STK11: variants seen among roughly 807,000 people sequenced by gnomAD.
STK11 encodes serine/threonine kinase 11.
A neutral mutation model predicts 47.3 loss-of-function variants in STK11; 8 were observed. The observed-to-expected ratio is 0.17, with a 90% CI of 0.10 to 0.31. STK11 has a LOEUF of 0.31. STK11 is among the 10% of genes least tolerant of loss of function. The pLI, the probability that STK11 is intolerant of heterozygous loss-of-function variation, is 1.00. For synonymous variants in STK11, 330 were observed against 255.8 expected, an observed-to-expected ratio of 1.29 and a Z score of -2.77; for missense variants, 475 against 605.0, an observed-to-expected ratio of 0.79 and a Z score of 2.25.
chr19:1,220,810 G>A (rs1241421924), intron 5 of STK11, 93 bp downstream of exon 5: 1 of 1,512,060 alleles, frequency 6.6e-7, no homozygotes, highest in East Asian at 2.3e-5. Context: ...CGCAGGGCGT[G>A]GCCACCGGCC....
chr19:1,216,747 A>C (rs2080747252), intron 1 of STK11, among the ~76,000 whole-genome samples: 1 of 151,562 alleles, frequency 6.6e-6, no homozygotes, highest in Admixed American at 6.6e-5. Context: ...ACACGTCTGT[A>C]GTCCCAGCTA....
rs2080787350 is a variant in STK11 at position 1,221,950 on chromosome 19, G to A, written c.864G>A (p.Gly288=). 1.9e-6 allele frequency: 3 copies of A among 1,557,770 alleles called. No homozygotes were observed. Among genetic ancestry groups the A allele is most frequent in the South Asian group, 2.4e-5 (2 of 84,496 alleles). The change falls in exon 7 of 10, where the codon GGG becomes GGA. Residue 288 remains glycine, a splice_region_variant and synonymous_variant. Coordinates refer to ENST00000326873, the MANE Select transcript of STK11 (RefSeq NM_000455.5). ...CGPPLSDLLK[G]MLEYEPAKRF... is the part of the protein sequence containing the mutation. ...GGCTCCTCGCCGGCTTCTCCTCAGG[G>A]ATGCTTGAGTACGAACCGGCCAAGA...
intron 1 of STK11, among the ~76,000 whole-genome samples, chr19:1,215,584 A>G (rs1468739376): frequency 6.6e-6 from 1 of 152,218 alleles, no homozygotes; most frequent in Non-Finnish European, 1.5e-5. Flanking sequence ...GCCCTGGCAG[A>G]GCTCAGGCCT....
intron 1 of STK11, among the ~76,000 whole-genome samples, chr19:1,209,552 A>G (rs981927644): frequency 3.3e-5 from 5 of 152,126 alleles, no homozygotes; most frequent in African/African-American, 1.2e-4. Context: ...ATTGCGCTCC[A>G]GCCTGGGCGA....
rs1472814508 is a variant in STK11, at chr19:1,226,608, C to T, written c.1263C>T (p.Ser421=). The change falls in exon 9 of 10, where the codon AGC becomes AGT. Residue 421 remains serine, a synonymous_variant. Coordinates refer to ENST00000326873, the MANE Select transcript of STK11 (RefSeq NM_000455.5). ...CTGCCCGCAAGGCCTGCTCCGCCAG[C>T]AGCAAGATCCGCCGGCTGTCGGCCT... ...PNPARKACSA[S]SKIRRLSACK... is the part of the protein sequence containing the mutation. 9.6e-6 allele frequency: 15 copies of T among 1,558,972 alleles called. No homozygotes were observed. The highest frequency in any genetic ancestry group is 1.3e-5 in the Non-Finnish European group (15 of 1,153,522).
Position 1,223,485 on chromosome 19 carries a change from G to T in STK11, c.1108+313G>T, listed in dbSNP as rs549541848. Among the ~76,000 whole-genome samples the T allele has an allele frequency of 9.4e-4, 143 of 152,344 alleles. 2 individuals are homozygous for T. Among genetic ancestry groups the T allele is most frequent in the African/African-American group, 3.3e-3 (139 of 41,584 alleles). On this transcript the variant is annotated intron_variant, in intron 8 of 9. Transcript: ENST00000326873. ...GGCCTGAGTCCCAGCAGGAGCAGGC[G>T]GGGGAGCCCCAGGGTCGGGGGAGGG...
Position 1,210,905 on chromosome 19 carries a change from G to A in STK11, c.290+3702G>A, listed in dbSNP as rs530153143. Among the ~76,000 whole-genome samples, 95 of 152,196 alleles carry A rather than the reference G, an allele frequency of 6.2e-4. 1 individual carries two copies. Among genetic ancestry groups the A allele is most frequent in the African/African-American group, 2.3e-3 (95 of 41,536 alleles). On this transcript the variant is annotated intron_variant, in intron 1 of 9. Transcript: ENST00000326873. ...GGGCCGGGCGTGGTGGCTCACGCCT[G>A]TAATCCCAGCACTTTGGGAGGCCGA...
chr19:1,207,190 G>A lies in STK11; in HGVS notation c.277G>A (p.Ala93Thr), dbSNP rs1288388685. Residue 93 changes from alanine (A) to threonine (T), a missense_variant, in exon 1 of 10, where the codon GCC (alanine) becomes ACC (threonine). This residue lies in a region of STK11 where 47 missense variants were observed against 103.7 expected (regional missense o/e 0.45). Coordinates refer to ENST00000326873, the MANE Select transcript of STK11 (RefSeq NM_000455.5). The part of the protein sequence containing the change: ...KKLRRIPNGE[A>T]NVKKEIQLLR... ...GTTGCGAAGGATCCCCAACGGGGAG[G>A]CCAACGTGAAGAAGTAAGTATGGCT... is the stretch of plus-strand genomic sequence containing the variant. The A allele has an allele frequency of 1.9e-6, 3 of 1,605,102 alleles. No individual in the cohort carries two copies.
intron 1 of STK11, among the ~76,000 whole-genome samples, chr19:1,208,640 G>A (rs1353593602): frequency 1.2e-5 from 1 of 80,076 alleles, no homozygotes; most frequent in Non-Finnish European, 2.2e-5. Context: ...TTTTTGAGAC[G>A]GAGTTTCACT....
intron 6 of STK11, chr19:1,221,681 C>T (rs982908271): frequency 2.4e-5 from 14 of 587,812 alleles, no homozygotes; most frequent in African/African-American, 9.3e-5. Flanking sequence ...ACTGGCCGTC[C>T]GTCCATCTGC....
At chr19:1,226,688 G>A in intron 9 of STK11, 25 bp downstream of exon 9, 1 of 1,467,520 alleles carries the variant, frequency 6.8e-7, no homozygotes, top group Non-Finnish European at 9.0e-7. Flanking sequence ...GGCCCGGGTG[G>A]GGCATGTGGG....
intron 1 of STK11, among the ~76,000 whole-genome samples, chr19:1,214,486 G>A (rs554943292): frequency 1.3e-4 from 20 of 152,326 alleles, no homozygotes; most frequent in Middle Eastern, 3.4e-3. Context: ...CTTCGGTGAG[G>A]GCGAGTCCTC....
intron 8 of STK11, chr19:1,224,462 C>T: frequency 2.0e-6 from 2 of 985,400 alleles, no homozygotes; most frequent in Non-Finnish European, 2.4e-6. Context: ...GGGTCTTCTG[C>T]CTTTCAGAGC....
At chr19:1,223,733 G>A (rs1463722040) in intron 8 of STK11, 1 of 1,041,686 alleles carries the variant, frequency 9.6e-7, no homozygotes, top group African/African-American at 1.7e-5. Flanking sequence ...CTCTCGGCCG[G>A]CGCCGCAGTA....
intron 1 of STK11, among the ~76,000 whole-genome samples, chr19:1,211,428 T>C (rs2080709520): frequency 6.6e-6 from 1 of 151,158 alleles, no homozygotes; most frequent in African/African-American, 2.4e-5. Context: ...ACAGCACGGC[T>C]AGCTGCTGCT....
At chr19:1,224,268 G>T in intron 8 of STK11, 1 of 985,336 alleles carries the variant, frequency 1.0e-6, no homozygotes, top group Non-Finnish European at 1.2e-6. Context: ...AGCGTGTGTG[G>T]GGCCCCCAGG....
intron 1 of STK11, among the ~76,000 whole-genome samples, chr19:1,210,706 T>C (rs2049787964): frequency 6.6e-6 from 1 of 150,660 alleles, no homozygotes; most frequent in African/African-American, 2.5e-5. Context: ...CTACTAAAAA[T>C]ACAAAATTAG....
Position 1,226,545 on chromosome 19 carries a change from G to A in STK11, c.1200G>A (p.Leu400=), listed in dbSNP as rs368661707. The A allele has an allele frequency of 4.2e-5, 67 of 1,604,470 alleles. No homozygotes were observed. The highest frequency in any genetic ancestry group is 4.7e-5 in the Non-Finnish European group (55 of 1,176,704). The change falls in exon 9 of 10, where the codon CTG becomes CTA. Residue 400 remains leucine (L), a synonymous_variant. Coordinates refer to ENST00000326873, the MANE Select transcript of STK11 (RefSeq NM_000455.5). ...VCMNGTEAAQ[L]STKSRAEGRA... is the part of the protein sequence containing the mutation. ...TGAACGGCACAGAGGCGGCGCAGCT[G>A]AGCACCAAATCCAGGGCGGAGGGCC...
At chr19:1,226,154 C>T (rs1018091094) in intron 8 of STK11, 5 of 1,236,232 alleles carry the variant, frequency 4.0e-6, no homozygotes, top group African/African-American at 1.6e-5. Context: ...GCCTCCTACT[C>T]GTGAGGTTCC....
Sources: gnomAD v4.1 joint callset for allele counts (sites outside exome capture counted in the v4.1 genomes callset) on GRCh38, gnomAD v4.1.1 for gene constraint, gnomAD v4.1.1 regional missense constraint, MANE v1.5 for transcripts, NCBI Gene and HGNC (gene_info 2026-07-23, HGNC 2026-07-21) for gene names.